Variants in TMCC1 observed in about 807,000 individuals in gnomAD.
TMCC1 encodes the protein transmembrane and coiled-coil domains protein 1.
In TMCC1, 15 loss-of-function variants were observed where a neutral mutation model predicts 52.4. That is an observed-to-expected ratio of 0.29 (90% confidence interval 0.19 to 0.44). The LOEUF is 0.44. Ranked by LOEUF, TMCC1 falls within the 20% of genes least tolerant of loss-of-function variation. The pLI, the probability that TMCC1 is intolerant of heterozygous loss-of-function variation, is 1.00. For synonymous variants in TMCC1, 279 were observed against 301.9 expected (o/e 0.92, Z 0.79); for missense variants, 503 against 806.0 (o/e 0.62, Z 4.55).
intron 4 of TMCC1, among the ~76,000 whole-genome samples, chr3:129,680,149 A>T (rs2088843986): frequency 6.6e-6 from 1 of 152,092 alleles, no homozygotes; most frequent in Non-Finnish European, 1.5e-5. Flanking sequence ...TATTAAAAAC[A>T]TGTGTTAAAT....
chr3:129,763,252 A>G (rs1228879539), intron 4 of TMCC1, among the ~76,000 whole-genome samples: 1 of 142,128 alleles, frequency 7.0e-6, no homozygotes, highest in African/African-American at 2.7e-5. Flanking sequence ...ATAAATAAAT[A>G]TCATTATATA....
At position 129,848,193 on chromosome 3, in the gene TMCC1, T is replaced by C. The variant is rs182056566; in HGVS notation, c.-183-15367A>G. 17 of 152,352 alleles carry C rather than the reference T, an allele frequency of 1.1e-4. No homozygotes were observed. The East Asian group carries it at 3.3e-3, about 29-fold the overall frequency. 9.4% of individuals were successfully genotyped at this position (152,352 alleles called of 1,614,324 possible). On this transcript the variant is annotated intron_variant, in intron 2 of 6. Coordinates refer to ENST00000393238, the MANE Select transcript of TMCC1 (RefSeq NM_001017395.5). ...TCCAATTTAGCGATTTTTTCCCCTT[T>C]ATACTTCATGCTTTTTGTGTCTTAA...
chr3:129,679,328 TGGA>T (rs1257297828), intron 4 of TMCC1, among the ~76,000 whole-genome samples: 1 of 152,184 alleles, frequency 6.6e-6, no homozygotes, highest in Admixed American at 6.5e-5. Flanking sequence ...TATTTATTGA[TGGA>T]GTCGTGCTCT....
intron 2 of TMCC1, among the ~76,000 whole-genome samples, chr3:129,850,576 A>G (rs2059871732): frequency 6.6e-6 from 1 of 152,212 alleles, no homozygotes; most frequent in Non-Finnish European, 1.5e-5. Context: ...CAAGCAAGCT[A>G]TACAACAGTT....
At position 129,783,675 on chromosome 3, in the gene TMCC1, T is replaced by G. The variant is rs554966092; in HGVS notation, c.576+44128A>C. 6.6e-5 allele frequency among the ~76,000 whole-genome samples: 10 copies of G among 152,358 alleles called. No homozygotes were observed. In the South Asian group the frequency reaches 1.7e-3, roughly 25 times the overall value. On this transcript the variant is annotated intron_variant, in intron 4 of 6. Transcript: ENST00000393238. ...AATTTTAAATACCATTCCAAGCATA[T>G]TCACATCCATTGTTTCATTTGCTTC...
At chr3:129,775,146 G>A (rs2054928201) in intron 4 of TMCC1, among the ~76,000 whole-genome samples, 1 of 152,096 alleles carries the variant, frequency 6.6e-6, no homozygotes, top group Admixed American at 6.6e-5. Context: ...GGGGGTGTAT[G>A]CAGATAAGAA....
At chr3:129,679,619 T>G (rs1234594185) in intron 4 of TMCC1, among the ~76,000 whole-genome samples, 1 of 152,196 alleles carries the variant, frequency 6.6e-6, no homozygotes, top group Non-Finnish European at 1.5e-5. Context: ...TATTTAAAAT[T>G]GCAAATTTTG....
chr3:129,805,004 G>A (rs1437695873), intron 4 of TMCC1, among the ~76,000 whole-genome samples: 1 of 152,034 alleles, frequency 6.6e-6, no homozygotes, highest in Non-Finnish European at 1.5e-5. Flanking sequence ...GCCAAAAACT[G>A]CTCCAGTATT....
intron 4 of TMCC1, among the ~76,000 whole-genome samples, chr3:129,732,490 A>G (rs1243486760): frequency 6.6e-6 from 1 of 152,196 alleles, no homozygotes; most frequent in Non-Finnish European, 1.5e-5. Flanking sequence ...GACTGCATGA[A>G]TAAGCTCAAA....
At chr3:129,695,151 A>AATT (rs1053382527) in intron 4 of TMCC1, among the ~76,000 whole-genome samples, 1 of 144,250 alleles carries the variant, frequency 6.9e-6, no homozygotes, top group Non-Finnish European at 1.5e-5. Context: ...AACCTTTGAA[A>AATT]ATTATTCTTG....
chr3:129,856,186 T>C (rs1577103404), intron 2 of TMCC1, among the ~76,000 whole-genome samples: 1 of 152,324 alleles, frequency 6.6e-6, no homozygotes, highest in East Asian at 1.9e-4. Context: ...ATATTCAGGA[T>C]AATACAACTG....
chr3:129,884,804 T>C (rs919711101), intron 1 of TMCC1, among the ~76,000 whole-genome samples: 4 of 152,148 alleles, frequency 2.6e-5, no homozygotes, highest in Non-Finnish European at 5.9e-5. Context: ...AATTTATCGA[T>C]TTTTTTCACT....
At chr3:129,755,905 C>T (rs1256041211) in intron 4 of TMCC1, among the ~76,000 whole-genome samples, 1 of 152,100 alleles carries the variant, frequency 6.6e-6, no homozygotes, top group Non-Finnish European at 1.5e-5. Flanking sequence ...GAGTTTGAGA[C>T]CACCTGGCAT....
chr3:129,696,476 C>T (rs537429124), intron 4 of TMCC1, among the ~76,000 whole-genome samples: 1 of 152,312 alleles, frequency 6.6e-6, no homozygotes, highest in South Asian at 2.1e-4. Flanking sequence ...CTCAAAACCT[C>T]CTGAGGGCTG....
chr3:129,789,821 C>G (rs1333082931), intron 4 of TMCC1, among the ~76,000 whole-genome samples: 1 of 152,122 alleles, frequency 6.6e-6, no homozygotes, highest in African/African-American at 2.4e-5. Flanking sequence ...AAACTGATAC[C>G]AAGTGACAGG....
chr3:129,825,166 C>G (rs1040884443), intron 4 of TMCC1, among the ~76,000 whole-genome samples: 2 of 152,196 alleles, frequency 1.3e-5, no homozygotes, highest in African/African-American at 4.8e-5. Flanking sequence ...TCCTTTTCCC[C>G]GCTTCATTTC....
rs1402117489 is a variant in TMCC1, at chr3:129,828,522, C to CA, written c.-130-15dup. 1.1e-4 allele frequency: 63 copies of CA among 585,190 alleles called. No homozygotes were observed. Among genetic ancestry groups the CA allele is most frequent in the Non-Finnish European group, 1.7e-4 (60 of 350,036 alleles). The allele number at this position is 585,190 out of a possible 1,614,324, so 36.2% of individuals were successfully genotyped here. On this transcript the variant is annotated splice_polypyrimidine_tract_variant and intron_variant, in intron 3 of 6. Transcript: ENST00000393238. This position sits in a 1 kb window ranked among gnomAD's most constrained non-coding sequence, Gnocchi z 4.1. ...CTTCATGCCTATCTAATGTTAAAAACAAAAAAACAAAAAAACAAAAAAAAA... is the reference window on the plus strand; with the variant it reads ...CTTCATGCCTATCTAATGTTAAAAACAAAAAAAACAAAAAAACAAAAAAAAA...
intron 5 of TMCC1, among the ~76,000 whole-genome samples, chr3:129,658,173 A>G (rs1223822062): frequency 3.9e-5 from 6 of 152,214 alleles, no homozygotes; most frequent in Non-Finnish European, 8.8e-5. Context: ...TAGAACATAA[A>G]ACACAAATGT....
At chr3:129,693,324 G>T (rs1384080978) in intron 4 of TMCC1, among the ~76,000 whole-genome samples, 1 of 151,972 alleles carries the variant, frequency 6.6e-6, no homozygotes, top group Non-Finnish European at 1.5e-5. Flanking sequence ...AACCAAACCG[G>T]AAAGAACAAA....
Sources: allele counts gnomAD v4.1 joint callset (sites outside exome capture counted in the v4.1 genomes callset), GRCh38; gene constraint gnomAD v4.1.1; non-coding constraint Gnocchi (gnomAD v3.1); transcripts MANE v1.5; gene names NCBI Gene and HGNC (gene_info 2026-07-23, HGNC 2026-07-21).